KBTBD8: variants seen among roughly 807,000 people sequenced by gnomAD.
The protein encoded by KBTBD8 is kelch repeat and BTB domain-containing protein 8.
In KBTBD8, 31 loss-of-function variants were observed where a neutral mutation model predicts 53.5. The observed-to-expected ratio is 0.58, with a 90% confidence interval of 0.44 to 0.78. The LOEUF is 0.78. Ranked by LOEUF, KBTBD8 falls within the 30% of genes least tolerant of loss-of-function variation. KBTBD8 has a pLI of 0.00. For synonymous variants in KBTBD8, 250 were observed against 247.3 expected, an observed-to-expected ratio of 1.01 and a Z score of -0.10; for missense variants, 642 against 735.8, an observed-to-expected ratio of 0.87 and a Z score of 1.48.
chr3:66,998,943 C>G (rs1201211944), intron 1 of KBTBD8, 38 bp from the exon 2 acceptor site: 2 of 1,486,846 alleles, frequency 1.3e-6, no homozygotes, highest in East Asian at 2.4e-5. Context: ...GTAACTGGCT[C>G]GGCACTTCTT....
chr3:67,008,259 A>G lies in KBTBD8; in HGVS notation c.1680A>G (p.Gln560=), dbSNP rs1456174728. Residue 560 remains glutamine (Q), a synonymous_variant, in exon 4 of 4, where the codon CAA becomes CAG. Coordinates refer to ENST00000417314, the MANE Select transcript of KBTBD8 (RefSeq NM_032505.3). ...CCAGCAGAAAAAATTCCCTTTACCA[A>G]TATGATGACATTGCTGACCAGTGGA... ...FRTSRKNSLY[Q]YDDIADQWMK... is the part of the protein sequence containing the mutation. 7 of 1,613,862 alleles carry G rather than the reference A, an allele frequency of 4.3e-6. No individual in the cohort carries two copies. Among genetic ancestry groups the G allele is most frequent in the Non-Finnish European group, 5.9e-6 (7 of 1,180,014 alleles).
intron 2 of KBTBD8, among the ~76,000 whole-genome samples, chr3:67,002,643 C>T (rs1702027715): frequency 6.7e-6 from 1 of 149,088 alleles, no homozygotes; most frequent in Non-Finnish European, 1.5e-5. Flanking sequence ...GCTGGGATTA[C>T]AGGGATGTGC....
At chr3:66,998,686 C>G (rs930214049) in intron 1 of KBTBD8, among the ~76,000 whole-genome samples, 2 of 152,128 alleles carry the variant, frequency 1.3e-5, no homozygotes, top group Non-Finnish European at 2.9e-5. Flanking sequence ...CGGCGGAGTC[C>G]GCGCAGACGC....
At chr3:66,998,897 C>A in intron 1 of KBTBD8, 84 bp from the exon 2 acceptor site, 1 of 1,032,602 alleles carries the variant, frequency 9.7e-7, no homozygotes, top group Non-Finnish European at 1.5e-6. Context: ...AAAAGCCTAG[C>A]AAGCAGACAC....
Position 67,003,213 on chromosome 3 carries a change from C to T in KBTBD8, c.246C>T (p.Gly82=), listed in dbSNP as rs1174105234. 1.9e-6 allele frequency: 3 copies of T among 1,613,130 alleles called. No homozygotes were observed. Residue 82 remains glycine (G), a synonymous_variant, in exon 3 of 4, where the codon GGC becomes GGT. Transcript: ENST00000417314. ...SPYFRSMFTS[G]LTESTQKEVR... ...TTCTTAGATCCATGTTCACTAGCGGCCTTACAGAAAGTACTCAAAAAGAAG... is the reference window on the plus strand; with the variant it reads ...TTCTTAGATCCATGTTCACTAGCGGTCTTACAGAAAGTACTCAAAAAGAAG...
chr3:67,002,014 G>T (rs559137191), intron 2 of KBTBD8, among the ~76,000 whole-genome samples: 1 of 151,936 alleles, frequency 6.6e-6, no homozygotes, highest in Middle Eastern at 3.2e-3. Context: ...TTAATGTTTC[G>T]GTCAAGAAAA....
chr3:66,999,206 G>A lies in KBTBD8; in HGVS notation c.227+15G>A. On this transcript the variant is annotated intron_variant, in intron 2 of 3. Transcript: ENST00000417314. Reference sequence around the variant, plus strand: ...CCTTACTTCAGGTATGATGATGGTAGGAACTTCTGTTGGTATCTGCACCAA... The same window carrying A: ...CCTTACTTCAGGTATGATGATGGTAAGAACTTCTGTTGGTATCTGCACCAA... 6.2e-7 allele frequency: 1 copy of A among 1,606,468 alleles called. No homozygotes were observed. Among genetic ancestry groups the A allele is most frequent in the Non-Finnish European group, 8.5e-7 (1 of 1,173,038 alleles).
At position 67,004,146 on chromosome 3, in the gene KBTBD8, T is replaced by C. The variant is rs1426611706; in HGVS notation, c.1179T>C (p.Tyr393=). Residue 393 remains tyrosine (Y), a synonymous_variant, in exon 3 of 4, where the codon TAT becomes TAC. Transcript: ENST00000417314. ...TTGTCTATTGCTGTGGTAAAATGTATGCAATCGGAGGTCGTGTTTATGAAG... is the reference window on the plus strand; with the variant it reads ...TTGTCTATTGCTGTGGTAAAATGTACGCAATCGGAGGTCGTGTTTATGAAG... ...CKLVYCCGKM[Y]AIGGRVYEGD... 1.9e-6 allele frequency: 3 copies of C among 1,614,120 alleles called. No homozygotes were observed. Among genetic ancestry groups the C allele is most frequent in the African/African-American group, 2.7e-5 (2 of 74,948 alleles).
Position 67,008,506 on chromosome 3 carries a change from T to C in KBTBD8, c.*121T>C. On this transcript the variant is annotated 3_prime_UTR_variant, in exon 4 of 4. Transcript: ENST00000417314. ...GAGTTTTATACATGGAAAATGGGTA[T>C]GCTTAAAGATTGCAGGGTAGGGAGG... The C allele has an allele frequency of 1.5e-6, 1 of 653,282 alleles. No individual in the cohort carries two copies. The highest frequency in any genetic ancestry group is 2.3e-5 in the South Asian group (1 of 43,796). 40.5% of individuals were successfully genotyped at this position (653,282 alleles called of 1,614,324 possible).
rs748055699 is a variant in KBTBD8 at position 67,004,273 on chromosome 3, G to T, written c.1306G>T (p.Ala436Ser). ...AMPVAMEFHN[A>S]VEYKEKIYVL... The stretch of plus-strand genomic sequence containing the variant: ...GCCAGTTGCAATGGAATTTCATAAT[G>T]CTGTGGAGTACAAAGAGAAGATCTA... Residue 436 changes from alanine (A) to serine (S), a missense_variant, in exon 3 of 4, where the codon GCT becomes TCT. Physicochemically the swap from Ala to Ser is moderately conservative, Grantham distance 99 (BLOSUM62 1). Coordinates refer to ENST00000417314, the MANE Select transcript of KBTBD8 (RefSeq NM_032505.3). 1 of 1,614,162 alleles carries T rather than the reference G, an allele frequency of 6.2e-7. No homozygotes were observed. Among genetic ancestry groups the T allele is most frequent in the South Asian group, 1.1e-5 (1 of 91,080 alleles).
chr3:67,006,045 T>C (rs1325027610), intron 3 of KBTBD8, among the ~76,000 whole-genome samples: 1 of 152,226 alleles, frequency 6.6e-6, no homozygotes, highest in African/African-American at 2.4e-5. Flanking sequence ...GGAGTTGTAC[T>C]CTCTGGTTCC....
At chr3:67,003,055 A>C in intron 2 of KBTBD8, 140 bp from the exon 3 acceptor site, 1 of 892,820 alleles carries the variant, frequency 1.1e-6, no homozygotes, top group Non-Finnish European at 1.7e-6. Flanking sequence ...TTTTACTCCT[A>C]TTCAGAATAT....
chr3:67,001,228 T>C (rs1302668409), intron 2 of KBTBD8, among the ~76,000 whole-genome samples: 1 of 152,204 alleles, frequency 6.6e-6, no homozygotes, highest in African/African-American at 2.4e-5. Context: ...TGAAGTTTCT[T>C]GGTACCAGCG....
At chr3:67,006,857 T>G (rs1375630721) in intron 3 of KBTBD8, among the ~76,000 whole-genome samples, 6 of 152,250 alleles carry the variant, frequency 3.9e-5, no homozygotes, top group African/African-American at 7.2e-5. Context: ...AGTGTTCAGA[T>G]TTTTATTACA....
Position 67,003,350 on chromosome 3 carries a change from G to T in KBTBD8, c.383G>T (p.Ser128Ile). 2 of 1,614,168 alleles carry T rather than the reference G, an allele frequency of 1.2e-6. No individual in the cohort carries two copies. Among genetic ancestry groups the T allele is most frequent in the Non-Finnish European group, 1.7e-6 (2 of 1,180,030 alleles). Residue 128 changes from serine to isoleucine, a missense_variant, in exon 3 of 4, where the codon AGC (serine) becomes ATC (isoleucine). Ser to Ile is a moderately radical substitution (Grantham distance 142). Coordinates refer to ENST00000417314, the MANE Select transcript of KBTBD8 (RefSeq NM_032505.3). Reference sequence around the variant, plus strand: ...GTTCAAGCCTTGTTCACTGCAGCTAGCATCTTCCAGATTCCTTCCATCCAA... The same window carrying T: ...GTTCAAGCCTTGTTCACTGCAGCTATCATCTTCCAGATTCCTTCCATCCAA... The part of the protein sequence containing the change: ...ANVQALFTAA[S>I]IFQIPSIQDQ...
intron 3 of KBTBD8, among the ~76,000 whole-genome samples, chr3:67,005,950 G>A (rs1352758258): frequency 6.6e-6 from 1 of 152,006 alleles, no homozygotes. Context: ...TGTGTTCCTT[G>A]CTCTAATCCT....
rs1702095223 is a variant in KBTBD8, at chr3:67,009,093, C to T, written c.*708C>T. ...AAATCTGGAAAAGTGCTCATATTCA[C>T]AGGTGGCTGGTGCTAGTCTAACTTA... On this transcript the variant is annotated 3_prime_UTR_variant, in exon 4 of 4. Coordinates refer to ENST00000417314, the MANE Select transcript of KBTBD8 (RefSeq NM_032505.3). 1 of 152,616 alleles carries T rather than the reference C, an allele frequency of 6.6e-6. No homozygotes were observed. The highest frequency in any genetic ancestry group is 1.5e-5 in the Non-Finnish European group (1 of 68,028). 9.5% of individuals were successfully genotyped at this position (152,616 alleles called of 1,614,324 possible). A position where few individuals can be genotyped will look rare whatever the true frequency, so the allele number is the denominator to read the frequency against.
In KBTBD8 at chr3:66,998,344, C is replaced by T. The variant is rs1387916076; in HGVS notation, c.-12C>T. On this transcript the variant is annotated 5_prime_UTR_variant, in exon 1 of 4. Transcript: ENST00000417314. Reference sequence around the variant, plus strand: ...CCTTTTTAAATAGCTGGAGTCGGGGCCCCATCGAGAAATGGCCGCGTCGGC... The same window carrying T: ...CCTTTTTAAATAGCTGGAGTCGGGGTCCCATCGAGAAATGGCCGCGTCGGC... 1 of 1,296,040 alleles carries T rather than the reference C, an allele frequency of 7.7e-7. No homozygotes were observed. The highest frequency in any genetic ancestry group is 3.1e-5 in the East Asian group (1 of 31,994). The allele number at this position is 1,296,040 out of a possible 1,614,324, so 80.3% of individuals were successfully genotyped here.
chr3:67,005,616 TTTTC>T (rs1702058116), intron 3 of KBTBD8, among the ~76,000 whole-genome samples: 1 of 152,084 alleles, frequency 6.6e-6, no homozygotes, highest in Non-Finnish European at 1.5e-5. Context: ...TATCCCATTG[TTTTC>T]TTTCTTTCTT....
Sources: allele counts gnomAD v4.1 joint callset (sites outside exome capture counted in the v4.1 genomes callset), GRCh38; gene constraint gnomAD v4.1.1; transcripts MANE v1.5; gene names NCBI Gene and HGNC (gene_info 2026-07-23, HGNC 2026-07-21).